DMD: variants seen among roughly 807,000 people sequenced by gnomAD.
DMD encodes dystrophin.
A neutral mutation model predicts 330.1 loss-of-function variants in DMD; 63 were observed. The ratio of observed to expected loss-of-function variants is 0.19; its 90% CI spans 0.16 to 0.24. The LOEUF (loss-of-function observed/expected upper bound fraction) is 0.24. DMD is among the 10% of genes least tolerant of loss of function. The pLI is 1.00. For missense variants in DMD, 3,344 were observed against 2,684.1 expected (o/e 1.25, Z -5.43); for synonymous variants, 1,223 against 959.8 (o/e 1.27, Z -5.07).
At chrX:32,827,243 A>AT (rs1569529819) in intron 4 of DMD, among the ~76,000 whole-genome samples, 1 of 111,172 alleles carries the variant, frequency 9.0e-6, no homozygotes, top group African/African-American at 3.3e-5. Flanking sequence ...AGCAAAAGAC[A>AT]TAAGATATAT....
chrX:32,292,302 CTT>C (rs10652780), intron 42 of DMD, among the ~76,000 whole-genome samples: 6 of 62,908 alleles, frequency 9.5e-5, no homozygotes, highest in Admixed American at 2.3e-4. Flanking sequence ...AGGGAATATT[CTT>C]TTTTTTTTTT....
At chrX:31,420,691 T>G (rs890285997) in intron 60 of DMD, among the ~76,000 whole-genome samples, 1 of 112,536 alleles carries the variant, frequency 8.9e-6, no homozygotes, top group African/African-American at 3.2e-5. Context: ...CCTGGGACAC[T>G]GTGGTGTCCA....
chrX:31,165,697 A>C (rs1275135219), intron 74 of DMD, among the ~76,000 whole-genome samples: 1 of 112,387 alleles, frequency 8.9e-6, no homozygotes, highest in Non-Finnish European at 1.9e-5. Context: ...TGGGGCAAAA[A>C]CCCAAGATCC....
At chrX:32,229,222 C>T (rs1441402507) in intron 43 of DMD, among the ~76,000 whole-genome samples, 3 of 110,683 alleles carry the variant, frequency 2.7e-5, no homozygotes, top group Non-Finnish European at 3.8e-5. Context: ...GTTACACTCA[C>T]GTGTTTCTGA....
At chrX:32,228,979 T>G in intron 43 of DMD, among the ~76,000 whole-genome samples, 1 of 111,918 alleles carries the variant, frequency 8.9e-6, no homozygotes. Flanking sequence ...TTTATTCATT[T>G]TGCAAATGAG....
chrX:31,162,923 T>C (rs988308367), intron 74 of DMD, among the ~76,000 whole-genome samples: 2 of 111,988 alleles, frequency 1.8e-5, no homozygotes, highest in Admixed American at 1.9e-4. Context: ...GTGATTCCAC[T>C]TCTACCATGT....
intron 50 of DMD, among the ~76,000 whole-genome samples, chrX:31,781,210 C>G (rs1023140311): frequency 9.0e-6 from 1 of 111,686 alleles, no homozygotes; most frequent in Non-Finnish European, 1.9e-5. Flanking sequence ...ATGTTATCAT[C>G]CCCCTTTTAC....
At chrX:32,341,950 C>G (rs2097745333) in intron 41 of DMD, 150 bp downstream of exon 41, 1 of 551,179 alleles carries the variant, frequency 1.8e-6, no homozygotes, top group Admixed American at 3.8e-5. Flanking sequence ...TACAGAAGCC[C>G]AAAGTGAGGG....
chrX:32,533,277 T>C (rs1423325884), intron 17 of DMD, among the ~76,000 whole-genome samples: 1 of 111,829 alleles, frequency 8.9e-6, no homozygotes, highest in Non-Finnish European at 1.9e-5. Context: ...TAATCTTTTA[T>C]TGAATACCTT....
chrX:32,529,167 C>T (rs778549537), intron 17 of DMD, among the ~76,000 whole-genome samples: 2 of 105,960 alleles, frequency 1.9e-5, no homozygotes, highest in South Asian at 4.2e-4. Flanking sequence ...CCTTGTGATC[C>T]GCCCGACTCA....
intron 52 of DMD, among the ~76,000 whole-genome samples, chrX:31,684,042 G>A (rs1036613352): frequency 2.7e-5 from 3 of 111,816 alleles, no homozygotes; most frequent in Admixed American, 1.9e-4. Context: ...TGTTAGAGCC[G>A]ACACTTGGAT....
chrX:31,891,089 T>G (rs1008151520), intron 47 of DMD, among the ~76,000 whole-genome samples: 5 of 111,564 alleles, frequency 4.5e-5, no homozygotes, highest in African/African-American at 1.6e-4. Flanking sequence ...CTTTTAACCT[T>G]ACCAACAAGT....
At chrX:33,181,475 C>T (rs1386253503) in intron 1 of DMD, among the ~76,000 whole-genome samples, 1 of 111,625 alleles carries the variant, frequency 9.0e-6, no homozygotes, top group Non-Finnish European at 1.9e-5. Flanking sequence ...TAGGTAATCA[C>T]TGAGCTCAGG....
intron 1 of DMD, among the ~76,000 whole-genome samples, chrX:33,107,341 AC>A (rs1366909775): frequency 4.0e-5 from 4 of 99,982 alleles, no homozygotes; most frequent in African/African-American, 1.4e-4. Flanking sequence ...CACAAAAAAA[AC>A]AGCAACAACA....
chrX:33,149,779 T>C (rs2048191937), intron 1 of DMD, among the ~76,000 whole-genome samples: 1 of 111,126 alleles, frequency 9.0e-6, no homozygotes, highest in Non-Finnish European at 1.9e-5. Flanking sequence ...GACCAGCTCA[T>C]CTGCCAGCTG....
chrX:32,205,196 G>A (rs1158616725), intron 44 of DMD, among the ~76,000 whole-genome samples: 1 of 97,283 alleles, frequency 1.0e-5, no homozygotes, highest in African/African-American at 3.8e-5. Flanking sequence ...ATGAACACTA[G>A]CATACTAGAT....
intron 1 of DMD, among the ~76,000 whole-genome samples, chrX:33,337,270 A>G (rs1472045662): frequency 8.9e-6 from 1 of 111,818 alleles, no homozygotes. Flanking sequence ...GAGTTTTTAC[A>G]GTCTTGAATG....
chrX:31,979,768 T>A (rs2095464256), intron 44 of DMD, among the ~76,000 whole-genome samples: 2 of 112,399 alleles, frequency 1.8e-5, no homozygotes, highest in African/African-American at 6.5e-5. Context: ...TGCATTCTAG[T>A]AGACTCTTCA....
intron 18 of DMD, among the ~76,000 whole-genome samples, chrX:32,509,276 C>T (rs1313642589): frequency 9.1e-6 from 1 of 109,833 alleles, no homozygotes; most frequent in Non-Finnish European, 1.9e-5. Flanking sequence ...TACGTTCGTC[C>T]TCAAATGAAA....
Sources: gnomAD v4.1 joint callset for allele counts (sites outside exome capture counted in the v4.1 genomes callset) on GRCh38, gnomAD v4.1.1 for gene constraint, MANE v1.5 for transcripts, NCBI Gene and HGNC (gene_info 2026-07-23, HGNC 2026-07-21) for gene names.